The following SLC36A1 variants were observed in gnomAD, a reference collection of about 807,000 sequenced individuals.
The protein encoded by SLC36A1 is proton-coupled amino acid transporter 1.
SLC36A1 carries 30 observed loss-of-function variants against 47.5 expected under a neutral mutation model. The observed-to-expected ratio is 0.63, with a 90% CI of 0.47 to 0.86. The LOEUF (loss-of-function observed/expected upper bound fraction) is 0.86, where lower values mean the gene tolerates loss of function less well. SLC36A1 is among the 40% of genes least tolerant of loss of function. The pLI, the probability that SLC36A1 is intolerant of heterozygous loss-of-function variation, is 0.00. For synonymous variants in SLC36A1, 255 were observed against 249.7 expected (o/e 1.02, Z -0.20); for missense variants, 517 against 606.0 (o/e 0.85, Z 1.54).
chr5:151,440,228 A>G (rs1752544858), intron 1 of SLC36A1, among the ~76,000 whole-genome samples: 1 of 152,244 alleles, frequency 6.6e-6, no homozygotes, highest in Non-Finnish European at 1.5e-5. Context: ...AAGGAGATAC[A>G]GGAAGGGCAC....
intron 1 of SLC36A1, among the ~76,000 whole-genome samples, chr5:151,454,347 G>A (rs570265239): frequency 2.0e-5 from 3 of 152,196 alleles, no homozygotes; most frequent in Non-Finnish European, 4.4e-5. Flanking sequence ...TTCATCAAAG[G>A]GAGCCTAAGG....
chr5:151,471,869 A>G (rs1757355981), intron 7 of SLC36A1, among the ~76,000 whole-genome samples: 1 of 152,222 alleles, frequency 6.6e-6, no homozygotes, highest in Admixed American at 6.5e-5. Context: ...AGTTAAATCA[A>G]TTTTAAAACA....
chr5:151,507,894 T>C, the SLC36A1 span, among the ~76,000 whole-genome samples: 1 of 152,196 alleles, frequency 6.6e-6, no homozygotes, highest in Admixed American at 6.5e-5. Flanking sequence ...CTCTCTATCA[T>C]GAGGTCGGAT....
chr5:151,514,417 C>T, the SLC36A1 span, among the ~76,000 whole-genome samples: 2 of 152,214 alleles, frequency 1.3e-5, no homozygotes, highest in African/African-American at 2.4e-5. Flanking sequence ...CCTTCACATA[C>T]TCTTGACCTA....
At chr5:151,405,165 G>A in the SLC36A1 span, among the ~76,000 whole-genome samples, 5 of 152,032 alleles carry the variant, frequency 3.3e-5, no homozygotes, top group Admixed American at 2.6e-4. Flanking sequence ...TTTCAGCTTG[G>A]TCTAGTTTGT....
chr5:151,351,289 C>T, the SLC36A1 span, among the ~76,000 whole-genome samples: 1 of 151,954 alleles, frequency 6.6e-6, no homozygotes, highest in African/African-American at 2.4e-5. Context: ...GACTTTAACC[C>T]AGCCCAGGTC....
the SLC36A1 span, chr5:151,537,841 AAT>A: frequency 6.2e-7 from 1 of 1,614,160 alleles, no homozygotes; most frequent in Non-Finnish European, 8.5e-7. Flanking sequence ...CCATGCAGAG[AAT>A]ATGTGATCTG....
chr5:151,458,332 A>ACT (rs761564732), intron 1 of SLC36A1, among the ~76,000 whole-genome samples: 123 of 108,376 alleles, frequency 1.1e-3, no homozygotes, highest in African/African-American at 3.4e-3. Flanking sequence ...ATATATATAT[A>ACT]TGGGATATTT....
the SLC36A1 span, chr5:151,554,817 AGCTCTCTGGCAACTTT>A: frequency 1.5e-6 from 1 of 680,684 alleles, no homozygotes; most frequent in South Asian, 1.9e-5. Context: ...CTTGGAACTC[AGCTCTCTGGCAACTTT>A]GCCCCTGGGA....
the SLC36A1 span, chr5:151,506,143 A>G: frequency 6.7e-7 from 1 of 1,490,326 alleles, no homozygotes; most frequent in Non-Finnish European, 8.9e-7. Flanking sequence ...TCTCCCCGGA[A>G]GGTTTCAGCT....
intron 7 of SLC36A1, 56 bp from the exon 8 acceptor site, chr5:151,473,617 G>A: frequency 8.5e-7 from 1 of 1,176,260 alleles, no homozygotes; most frequent in South Asian, 1.3e-5. Flanking sequence ...TTCAAATCTT[G>A]AATTTCTGTA....
chr5:151,350,178 A>G, the SLC36A1 span, among the ~76,000 whole-genome samples: 2 of 150,930 alleles, frequency 1.3e-5, no homozygotes, highest in African/African-American at 2.4e-5. Context: ...TCTGTGGCTG[A>G]TGAATGTGAC....
the SLC36A1 span, chr5:151,505,762 C>A: frequency 6.2e-7 from 1 of 1,613,824 alleles, no homozygotes; most frequent in Non-Finnish European, 8.5e-7. Flanking sequence ...GGCCCTCCCC[C>A]TCCCTGCCGG....
chr5:151,505,927 G>A, the SLC36A1 span: 1 of 1,585,796 alleles, frequency 6.3e-7, no homozygotes, highest in Non-Finnish European at 8.6e-7. Context: ...TCCATCTCCA[G>A]GGGGAAGGGG....
At chr5:151,434,525 A>G (rs565874458), upstream of SLC36A1, among the ~76,000 whole-genome samples, 24 of 152,236 alleles carry the variant, frequency 1.6e-4, no homozygotes, top group Non-Finnish European at 3.4e-4. Flanking sequence ...TATTCATAAT[A>G]TAGTCCACAG....
chr5:151,520,534 T>A, the SLC36A1 span, among the ~76,000 whole-genome samples: 1 of 152,216 alleles, frequency 6.6e-6, no homozygotes, highest in Non-Finnish European at 1.5e-5. Flanking sequence ...CTATAGCAAC[T>A]GCTACCACGG....
the SLC36A1 span, among the ~76,000 whole-genome samples, chr5:151,399,084 A>ATATATTT: frequency 2.2e-4 from 13 of 60,066 alleles, no homozygotes; most frequent in African/African-American, 6.2e-4. Flanking sequence ...ATATATATAT[A>ATATATTT]TTTTTTTTTT....
At chr5:151,486,984 A>G (rs998823835) in intron 10 of SLC36A1, among the ~76,000 whole-genome samples, 3 of 152,198 alleles carry the variant, frequency 2.0e-5, no homozygotes, top group African/African-American at 7.2e-5. Context: ...TGACATCTCT[A>G]TGATTCAGGA....
chr5:151,454,776 G>A (rs972149417), intron 1 of SLC36A1, among the ~76,000 whole-genome samples: 1 of 145,860 alleles, frequency 6.9e-6, no homozygotes, highest in Non-Finnish European at 1.5e-5. Context: ...GCAGTGGCGC[G>A]ATCTCGGCTC....
Sources: allele counts gnomAD v4.1 joint callset (sites outside exome capture counted in the v4.1 genomes callset), GRCh38; gene constraint gnomAD v4.1.1; transcripts MANE v1.5; gene names NCBI Gene and HGNC (gene_info 2026-07-23, HGNC 2026-07-21).